NBAS: variants seen among roughly 807,000 people sequenced by gnomAD.
NBAS encodes the protein NBAS subunit of NRZ tethering complex.
In NBAS, 219 loss-of-function variants were observed where a neutral mutation model predicts 302.5. The observed-to-expected ratio is 0.72, with a 90% CI of 0.65 to 0.81. The LOEUF (loss-of-function observed/expected upper bound fraction) is 0.81. NBAS is among the 30% of genes least tolerant of loss of function. The pLI is 0.00. For missense variants in NBAS, 2,932 were observed against 2,841.6 expected (o/e 1.03, Z -0.72); for synonymous variants, 1,118 against 1,021.6 (o/e 1.09, Z -1.80).
intron 33 of NBAS, among the ~76,000 whole-genome samples, chr2:15,354,267 C>T (rs11902167): frequency 0.52 from 78,710 of 152,054 alleles, 23,471 homozygotes; most frequent in Non-Finnish European, 0.68. Flanking sequence ...ATAAGACAGA[C>T]ATCTAAGGAC....
the NBAS span, among the ~76,000 whole-genome samples, chr2:14,847,702 A>G: frequency 6.6e-6 from 1 of 152,194 alleles, no homozygotes; most frequent in Non-Finnish European, 1.5e-5. Context: ...TCAACACCCC[A>G]CTTTCAGCAT....
intron 49 of NBAS, among the ~76,000 whole-genome samples, chr2:15,189,013 C>A (rs975363689): frequency 1.3e-5 from 2 of 152,116 alleles, no homozygotes; most frequent in African/African-American, 2.4e-5. Context: ...ATGGACTCCA[C>A]AAGTTGAGCA....
chr2:15,010,091 C>G, the NBAS span, among the ~76,000 whole-genome samples: 175 of 152,160 alleles, frequency 1.2e-3, no homozygotes, highest in Non-Finnish European at 4.9e-4. Context: ...ACAATGGGAA[C>G]AAATGGCTCT....
At chr2:15,532,206 T>C (rs749839941) in intron 9 of NBAS, among the ~76,000 whole-genome samples, 4 of 152,066 alleles carry the variant, frequency 2.6e-5, no homozygotes, top group East Asian at 1.9e-4. Context: ...AATCATACTA[T>C]AGGACAGGCA....
chr2:14,887,398 T>TTAAAAAAAAAAAAA, the NBAS span, among the ~76,000 whole-genome samples: 24 of 95,652 alleles, frequency 2.5e-4, 1 homozygote, highest in African/African-American at 1.4e-3. Context: ...GTGAGACTCC[T>TTAAAAAAAAAAAAA]CAAAAAAAAA....
chr2:15,423,930 G>A (rs188501947), intron 23 of NBAS, among the ~76,000 whole-genome samples: 1 of 152,304 alleles, frequency 6.6e-6, no homozygotes, highest in Admixed American at 6.5e-5. Context: ...ACTTCAAACA[G>A]GGTTCCTGAA....
chr2:15,338,383 T>C (rs529160124), intron 35 of NBAS, among the ~76,000 whole-genome samples: 12 of 152,332 alleles, frequency 7.9e-5, no homozygotes, highest in South Asian at 4.1e-4. Context: ...CCCTTACTTA[T>C]AGCAAATTTC....
At chr2:15,548,041 G>C (rs1338438996) in intron 6 of NBAS, among the ~76,000 whole-genome samples, 1 of 151,960 alleles carries the variant, frequency 6.6e-6, no homozygotes, top group Non-Finnish European at 1.5e-5. Flanking sequence ...TTTATACATG[G>C]ATCTCTATAA....
the NBAS span, among the ~76,000 whole-genome samples, chr2:15,000,355 C>G: frequency 3.3e-5 from 5 of 152,332 alleles, no homozygotes; most frequent in South Asian, 1.0e-3. Flanking sequence ...CATAAAACCA[C>G]TCTTTCTGCT....
chr2:15,283,903 T>C (rs934696065), intron 42 of NBAS, among the ~76,000 whole-genome samples: 1 of 152,184 alleles, frequency 6.6e-6, no homozygotes, highest in Non-Finnish European at 1.5e-5. Context: ...GGTAATCTGG[T>C]AGTTACTATT....
chr2:15,515,420 G>A (rs770719478), intron 9 of NBAS, among the ~76,000 whole-genome samples: 3 of 152,184 alleles, frequency 2.0e-5, no homozygotes, highest in African/African-American at 7.2e-5. Context: ...GGGCGTGGTG[G>A]TGCATGCCTG....
chr2:15,252,065 G>A (rs1163233689), intron 44 of NBAS, among the ~76,000 whole-genome samples: 1 of 152,172 alleles, frequency 6.6e-6, no homozygotes, highest in Admixed American at 6.5e-5. Flanking sequence ...GGCATAAAAG[G>A]ATCTCCAGCA....
At chr2:14,794,291 T>C in the NBAS span, among the ~76,000 whole-genome samples, 1 of 152,210 alleles carries the variant, frequency 6.6e-6, no homozygotes, top group Admixed American at 6.5e-5. Context: ...CTAAAATGAT[T>C]GAGATTTAGC....
the NBAS span, among the ~76,000 whole-genome samples, chr2:15,138,300 G>C: frequency 6.6e-6 from 1 of 152,260 alleles, no homozygotes; most frequent in Non-Finnish European, 1.5e-5. Flanking sequence ...GCTGGAGCAG[G>C]GAGCACAAGG....
chr2:14,867,558 C>T, the NBAS span, among the ~76,000 whole-genome samples: 10 of 152,174 alleles, frequency 6.6e-5, no homozygotes, highest in South Asian at 2.1e-4. Flanking sequence ...CTACAAGCAT[C>T]GACTGAGCAC....
the NBAS span, among the ~76,000 whole-genome samples, chr2:15,055,070 A>G: frequency 8.4e-3 from 1,284 of 152,322 alleles, 14 homozygotes; most frequent in Non-Finnish European, 0.014. Context: ...GCACTAGAAG[A>G]TAGACATTCA....
intron 5 of NBAS, among the ~76,000 whole-genome samples, chr2:15,552,463 G>A (rs767785097): frequency 1.3e-5 from 2 of 152,238 alleles, no homozygotes; most frequent in South Asian, 2.1e-4. Flanking sequence ...TGAAGATGAC[G>A]ATAATGAAGA....
chr2:14,854,411 G>A, the NBAS span, among the ~76,000 whole-genome samples: 7 of 151,544 alleles, frequency 4.6e-5, no homozygotes, highest in South Asian at 1.3e-3. Context: ...ATGTCCCCCA[G>A]CAATGACACC....
intron 21 of NBAS, 26 bp from the exon 22 acceptor site, chr2:15,427,820 T>G: frequency 6.4e-7 from 1 of 1,556,900 alleles, no homozygotes; most frequent in Non-Finnish European, 8.8e-7. Flanking sequence ...AAATAAGTGT[T>G]TAAAATTCAC....
Sources: gnomAD v4.1 joint callset for allele counts (sites outside exome capture counted in the v4.1 genomes callset) on GRCh38, gnomAD v4.1.1 for gene constraint, MANE v1.5 for transcripts, NCBI Gene and HGNC (gene_info 2026-07-23, HGNC 2026-07-21) for gene names.